Variants in ANKS1B observed in about 807,000 individuals in gnomAD.
ANKS1B encodes ankyrin repeat and sterile alpha motif domain-containing protein 1B.
ANKS1B carries 36 observed loss-of-function variants against 148.3 expected under a neutral mutation model. That is an observed-to-expected ratio of 0.24 (90% CI 0.19 to 0.32). The LOEUF is 0.32. ANKS1B is among the 10% of genes least tolerant of loss of function. ANKS1B has a pLI of 1.00. For synonymous variants in ANKS1B, 542 were observed against 560.8 expected (o/e 0.97, Z 0.47); for missense variants, 1,157 against 1,542.6 (o/e 0.75, Z 4.19).
intron 9 of ANKS1B, among the ~76,000 whole-genome samples, chr12:99,534,167 T>C (rs999350586): frequency 2.0e-5 from 3 of 152,196 alleles, no homozygotes; most frequent in Non-Finnish European, 2.9e-5. Context: ...AAGAAGAATA[T>C]ATTGCAATGA....
At chr12:99,206,519 G>A (rs2712661) in intron 14 of ANKS1B, among the ~76,000 whole-genome samples, 117,771 of 152,140 alleles carry the variant, frequency 0.77, 45,661 homozygotes, top group East Asian at 0.89. Flanking sequence ...TTGTTTTACA[G>A]AAATCAAGTG....
chr12:98,793,653 C>G (rs1034692948), intron 22 of ANKS1B, among the ~76,000 whole-genome samples: 1 of 152,084 alleles, frequency 6.6e-6, no homozygotes, highest in African/African-American at 2.4e-5. Context: ...ACAAATAATC[C>G]TATTTTTATT....
intron 17 of ANKS1B, among the ~76,000 whole-genome samples, chr12:99,004,565 C>T (rs1226189597): frequency 6.6e-6 from 1 of 151,574 alleles, no homozygotes; most frequent in African/African-American, 2.4e-5. Flanking sequence ...CAAGATAACT[C>T]ATTTTTTTCT....
intron 1 of ANKS1B, among the ~76,000 whole-genome samples, chr12:99,959,727 G>T (rs559401008): frequency 1.3e-4 from 20 of 152,172 alleles, no homozygotes; most frequent in Non-Finnish European, 2.5e-4. Context: ...TTAATTTCCT[G>T]AGTAAACATT....
intron 15 of ANKS1B, among the ~76,000 whole-genome samples, chr12:99,146,757 T>C (rs1388312703): frequency 6.6e-6 from 1 of 152,122 alleles, no homozygotes; most frequent in Non-Finnish European, 1.5e-5. Flanking sequence ...CCTTCCTCGG[T>C]ATCTGCTTTC....
At chr12:99,924,376 T>C (rs2094436928) in intron 1 of ANKS1B, among the ~76,000 whole-genome samples, 1 of 152,186 alleles carries the variant, frequency 6.6e-6, no homozygotes, top group Non-Finnish European at 1.5e-5. Context: ...TCTCAAGATA[T>C]TTCCCCATTC....
chr12:99,168,532 A>AG (rs1219359509), intron 14 of ANKS1B, among the ~76,000 whole-genome samples: 3 of 152,044 alleles, frequency 2.0e-5, no homozygotes, highest in African/African-American at 7.2e-5. Context: ...AAAAAAAAAA[A>AG]AGGAAGTTAA....
chr12:98,872,870 C>T (rs1422516965), intron 17 of ANKS1B, among the ~76,000 whole-genome samples: 1 of 152,150 alleles, frequency 6.6e-6, no homozygotes, highest in South Asian at 2.1e-4. Flanking sequence ...AAAACTAATG[C>T]ACTTAACAAA....
At chr12:99,454,765 A>C (rs1036541659) in intron 10 of ANKS1B, among the ~76,000 whole-genome samples, 8 of 152,158 alleles carry the variant, frequency 5.3e-5, no homozygotes, top group Non-Finnish European at 8.8e-5. Flanking sequence ...GTCTTGTAGA[A>C]TTTTACCTTC....
At chr12:99,491,072 C>T in intron 10 of ANKS1B, among the ~76,000 whole-genome samples, 1 of 152,128 alleles carries the variant, frequency 6.6e-6, no homozygotes, top group Non-Finnish European at 1.5e-5. Context: ...AAACCCAGCA[C>T]TTTGGGAGGC....
intron 14 of ANKS1B, among the ~76,000 whole-genome samples, chr12:99,197,390 T>G (rs1216157731): frequency 6.6e-6 from 1 of 152,172 alleles, no homozygotes; most frequent in East Asian, 1.9e-4. Flanking sequence ...TTTCTAACTA[T>G]GCCAAACACT....
At chr12:99,568,403 G>T (rs528755764) in intron 9 of ANKS1B, among the ~76,000 whole-genome samples, 1 of 152,150 alleles carries the variant, frequency 6.6e-6, no homozygotes, top group East Asian at 1.9e-4. Context: ...TAAAATCCTT[G>T]GCTTACTCAC....
intron 9 of ANKS1B, among the ~76,000 whole-genome samples, chr12:99,553,108 C>A (rs2097239049): frequency 6.6e-6 from 1 of 152,172 alleles, no homozygotes; most frequent in African/African-American, 2.4e-5. Flanking sequence ...ATAAAACATT[C>A]ATGCATATAT....
chr12:99,536,802 A>G (rs2097073013), intron 9 of ANKS1B, among the ~76,000 whole-genome samples: 1 of 152,000 alleles, frequency 6.6e-6, no homozygotes, highest in Non-Finnish European at 1.5e-5. Context: ...TGTAGAGTTA[A>G]GTTATAATTT....
intron 17 of ANKS1B, among the ~76,000 whole-genome samples, chr12:98,875,295 C>T (rs193030681): frequency 1.6e-4 from 24 of 152,328 alleles, no homozygotes; most frequent in African/African-American, 5.8e-4. Flanking sequence ...GCTGTCAGAA[C>T]AATCTTTCTG....
At chr12:98,779,494 T>C (rs2098713163) in intron 24 of ANKS1B, among the ~76,000 whole-genome samples, 1 of 152,170 alleles carries the variant, frequency 6.6e-6, no homozygotes, top group Non-Finnish European at 1.5e-5. Flanking sequence ...CCAAGTCTGC[T>C]AAAGTTGTTC....
chr12:99,597,411 C>T (rs1439137810), intron 9 of ANKS1B, among the ~76,000 whole-genome samples: 1 of 151,778 alleles, frequency 6.6e-6, no homozygotes, highest in Non-Finnish European at 1.5e-5. Context: ...TAAACAAAGC[C>T]CAACATTATA....
chr12:99,609,973 C>G (rs1017181964), intron 9 of ANKS1B, among the ~76,000 whole-genome samples: 16 of 152,056 alleles, frequency 1.1e-4, no homozygotes, highest in Non-Finnish European at 1.9e-4. Flanking sequence ...GTCCTAGGAT[C>G]TCACCTGCAG....
intron 24 of ANKS1B, among the ~76,000 whole-genome samples, chr12:98,776,485 AC>A (rs1593338718): frequency 6.6e-6 from 1 of 152,266 alleles, no homozygotes; most frequent in Non-Finnish European, 1.5e-5. Flanking sequence ...GCAGCATAGC[AC>A]CCTTCAATAG....
Sources: gnomAD v4.1 joint callset for allele counts (sites outside exome capture counted in the v4.1 genomes callset) on GRCh38, gnomAD v4.1.1 for gene constraint, MANE v1.5 for transcripts, NCBI Gene and HGNC (gene_info 2026-07-23, HGNC 2026-07-21) for gene names.